The following NALCN variants were observed in gnomAD, a reference collection of about 807,000 sequenced individuals.
NALCN encodes sodium leak channel NALCN.
In NALCN, 111 loss-of-function variants were observed where a neutral mutation model predicts 225.3. The ratio of observed to expected loss-of-function variants is 0.49; its 90% confidence interval spans 0.42 to 0.58. NALCN has a LOEUF of 0.58. Ranked by LOEUF, NALCN falls within the 20% of genes least tolerant of loss-of-function variation. NALCN has a pLI of 0.00. For synonymous variants in NALCN, 764 were observed against 769.0 expected (o/e 0.99, Z 0.11); for missense variants, 1,378 against 2,202.4 (o/e 0.63, Z 7.49).
chr13:101,249,575 G>A (rs1180259622), intron 11 of NALCN, among the ~76,000 whole-genome samples: 1 of 152,098 alleles, frequency 6.6e-6, no homozygotes, highest in African/African-American at 2.4e-5. Context: ...AAAATCAAGT[G>A]TTTCAGGAAT....
At chr13:101,090,048 T>C (rs1384371657) in intron 28 of NALCN, 82 bp from the exon 29 acceptor site, 4 of 1,592,892 alleles carry the variant, frequency 2.5e-6, no homozygotes, top group East Asian at 2.2e-5. Flanking sequence ...TTTCCAGTCA[T>C]GAGTGTGGGA....
At chr13:101,343,656 C>T (rs1254071524) in intron 7 of NALCN, among the ~76,000 whole-genome samples, 1 of 152,166 alleles carries the variant, frequency 6.6e-6, no homozygotes, top group African/African-American at 2.4e-5. Flanking sequence ...ATTAACAGTA[C>T]AGCTATAGTA....
chr13:101,398,968 C>A (rs1235444657), intron 2 of NALCN, 51 bp downstream of exon 2: 1 of 1,161,452 alleles, frequency 8.6e-7, no homozygotes, highest in Admixed American at 1.7e-5. Context: ...TTGTCAATCA[C>A]ATTTATCTCA....
At chr13:101,191,814 T>A (rs2039692304) in intron 14 of NALCN, 103 bp downstream of exon 14, 10 of 1,201,914 alleles carry the variant, frequency 8.3e-6, no homozygotes, top group Non-Finnish European at 1.2e-5. Context: ...TCTGCATTAG[T>A]CCTTTGGCTC....
intron 10 of NALCN, among the ~76,000 whole-genome samples, chr13:101,281,025 C>T (rs1239773472): frequency 2.0e-5 from 3 of 151,926 alleles, no homozygotes; most frequent in African/African-American, 7.3e-5. Flanking sequence ...GGATTACAGG[C>T]GTGCACCACA....
intron 7 of NALCN, among the ~76,000 whole-genome samples, chr13:101,339,994 A>G (rs1977730): frequency 0.45 from 68,443 of 151,900 alleles, 15,838 homozygotes; most frequent in Admixed American, 0.54. Context: ...CCCGGCGGGT[A>G]CAGTGGCTCA....
intron 14 of NALCN, among the ~76,000 whole-genome samples, chr13:101,179,538 T>C (rs529669662): frequency 1.3e-5 from 2 of 152,286 alleles, no homozygotes; most frequent in East Asian, 3.9e-4. Context: ...CAGTTACATT[T>C]GAATAAATGC....
intron 42 of NALCN, chr13:101,058,429 G>GTT: frequency 2.6e-5 from 4 of 156,846 alleles, no homozygotes; most frequent in Non-Finnish European, 4.1e-5. Context: ...GGCGGGGGCA[G>GTT]TCTACTGTCA....
chr13:101,107,388 A>AC, intron 22 of NALCN, 99 bp downstream of exon 22: 6 of 1,565,732 alleles, frequency 3.8e-6, no homozygotes, highest in Non-Finnish European at 4.4e-6. Context: ...TTATTTTGTG[A>AC]CCCCATTAGG....
Position 101,292,112 on chromosome 13 carries a change from C to A in NALCN, c.943-18G>T. The A allele has an allele frequency of 6.2e-7, 1 of 1,613,570 alleles. No homozygotes were observed. The highest frequency in any genetic ancestry group is 8.5e-7 in the Non-Finnish European group (1 of 1,179,746). Reference sequence around the variant, plus strand: ...AACACGTTCTGAAAAAAATCACAAACCACATTTACCAAAGTCTAAGAATGA... The same window carrying A: ...AACACGTTCTGAAAAAAATCACAAAACACATTTACCAAAGTCTAAGAATGA... On this transcript the variant is annotated intron_variant, in intron 8 of 43. Coordinates refer to ENST00000251127, the MANE Select transcript of NALCN (RefSeq NM_052867.4). This position sits in a 1 kb window ranked among gnomAD's most constrained non-coding sequence, Gnocchi z 4.3.
At chr13:101,283,361 T>G (rs991306098) in intron 10 of NALCN, among the ~76,000 whole-genome samples, 2 of 152,108 alleles carry the variant, frequency 1.3e-5, no homozygotes, top group Non-Finnish European at 2.9e-5. Context: ...AATGGCAGCT[T>G]GGAGAAGATG....
At chr13:101,070,380 T>C (rs2032782313) in intron 37 of NALCN, among the ~76,000 whole-genome samples, 1 of 152,244 alleles carries the variant, frequency 6.6e-6, no homozygotes, top group Admixed American at 6.5e-5. Context: ...ATGTTCTTAA[T>C]GGCATGTAGA....
chr13:101,117,714 G>A (rs1476318741), intron 18 of NALCN, among the ~76,000 whole-genome samples: 1 of 152,104 alleles, frequency 6.6e-6, no homozygotes, highest in Non-Finnish European at 1.5e-5. Context: ...TTTCCATGCT[G>A]AATAATTATT....
chr13:101,280,883 T>A (rs1416995679), intron 10 of NALCN, among the ~76,000 whole-genome samples: 6 of 50,392 alleles, frequency 1.2e-4, no homozygotes, highest in African/African-American at 3.1e-4. Context: ...TCTCTCTCTC[T>A]TTTTTTTTTT....
rs1236791929 is a variant in NALCN at position 101,292,623 on chromosome 13, A to T, written c.800-257T>A. Among the ~76,000 whole-genome samples, 1 of 152,218 alleles carries T rather than the reference A, an allele frequency of 6.6e-6. No homozygotes were observed. Among genetic ancestry groups the T allele is most frequent in the Non-Finnish European group, 1.5e-5 (1 of 68,026 alleles). On this transcript the variant is annotated intron_variant, in intron 7 of 43. Transcript: ENST00000251127. The surrounding 1 kb of genome is among the most constrained non-coding windows in gnomAD (Gnocchi z 4.3). Reference sequence around the variant, plus strand: ...TATTATACCTTTAGCTGTTAAATGCAAATAATAATGTGGAAAAGGAAATAA... The same window carrying T: ...TATTATACCTTTAGCTGTTAAATGCTAATAATAATGTGGAAAAGGAAATAA...
intron 18 of NALCN, among the ~76,000 whole-genome samples, chr13:101,119,397 G>A (rs976343894): frequency 1.3e-5 from 2 of 152,208 alleles, no homozygotes; most frequent in East Asian, 1.9e-4. Flanking sequence ...AGAAAGTTAC[G>A]TTATAAAACC....
intron 7 of NALCN, among the ~76,000 whole-genome samples, chr13:101,306,798 G>C (rs986172673): frequency 1.3e-5 from 2 of 152,218 alleles, no homozygotes; most frequent in African/African-American, 4.8e-5. Flanking sequence ...CGCATGGCAA[G>C]GAAGTGCTAC....
chr13:101,136,860 ATCCTTGAG>A (rs1400926649), intron 17 of NALCN, among the ~76,000 whole-genome samples: 1 of 152,184 alleles, frequency 6.6e-6, no homozygotes, highest in East Asian at 1.9e-4. Context: ...CTAGTTCTAG[ATCCTTGAG>A]GAATAGCACG....
At chr13:101,393,363 A>G (rs1204226814) in intron 3 of NALCN, among the ~76,000 whole-genome samples, 3 of 152,244 alleles carry the variant, frequency 2.0e-5, no homozygotes, top group Non-Finnish European at 4.4e-5. Context: ...TGGTCAAAAT[A>G]CAAAGCAGTT....
Sources: allele counts gnomAD v4.1 joint callset (sites outside exome capture counted in the v4.1 genomes callset), GRCh38; gene constraint gnomAD v4.1.1; non-coding constraint Gnocchi (gnomAD v3.1); transcripts MANE v1.5; gene names NCBI Gene and HGNC (gene_info 2026-07-23, HGNC 2026-07-21).